NR2F1-AS1: variants seen among roughly 807,000 people sequenced by gnomAD.
NR2F1-AS1 encodes the protein NR2F1 antisense RNA 1.
At chr5:93,462,621 T>C (rs1440422030) in intron 4 of NR2F1-AS1, among the ~76,000 whole-genome samples, 2 of 152,140 alleles carry the variant, frequency 1.3e-5, no homozygotes, top group Non-Finnish European at 2.9e-5. Flanking sequence ...GTGGAAAAGT[T>C]TGAAACTTCC....
In NR2F1-AS1 at chr5:93,434,168, T is replaced by A. The variant is rs1295600206; in HGVS notation, n.639-38626A>T. Among the ~76,000 whole-genome samples, 3 of 152,160 alleles carry A rather than the reference T, an allele frequency of 2.0e-5. No individual in the cohort carries two copies. The East Asian group carries it at 5.8e-4, about 29-fold the overall frequency. ...TATAAAACTATTGGCTTTTGCCTTT[T>A]TTTCATTGCTAGAAGGGATGATCAG... is the stretch of plus-strand genomic sequence containing the variant. On this transcript the variant is annotated intron_variant and non_coding_transcript_variant, in intron 4 of 5. Transcript: ENST00000660523.
upstream of NR2F1-AS1, among the ~76,000 whole-genome samples, chr5:93,581,685 T>C (rs1338775336): frequency 2.1e-5 from 1 of 47,672 alleles, no homozygotes; most frequent in African/African-American, 1.3e-4. Context: ...TCTCTCTCTC[T>C]CTCTCTCTCT....
intron 4 of NR2F1-AS1, among the ~76,000 whole-genome samples, chr5:93,456,397 G>C (rs1749947146): frequency 6.6e-6 from 1 of 152,116 alleles, no homozygotes; most frequent in African/African-American, 2.4e-5. Context: ...CTATGTAAAA[G>C]ATCTGTACAA....
At chr5:93,433,899 T>G (rs1400185972) in intron 4 of NR2F1-AS1, among the ~76,000 whole-genome samples, 1 of 152,140 alleles carries the variant, frequency 6.6e-6, no homozygotes. Context: ...AAAGTAAAAT[T>G]TATTGCCTCT....
At chr5:93,572,891 C>T (rs1752807144) in intron 1 of NR2F1-AS1, among the ~76,000 whole-genome samples, 1 of 152,228 alleles carries the variant, frequency 6.6e-6, no homozygotes, top group Non-Finnish European at 1.5e-5. Flanking sequence ...CTGAGAGGCG[C>T]GGCCGGCGGG....
chr5:93,487,668 C>A (rs891247415), intron 4 of NR2F1-AS1, among the ~76,000 whole-genome samples: 4 of 152,126 alleles, frequency 2.6e-5, no homozygotes, highest in African/African-American at 4.8e-5. Context: ...GCCACAATGC[C>A]CAAAGTAATT....
intron 4 of NR2F1-AS1, among the ~76,000 whole-genome samples, chr5:93,460,319 G>C (rs1023119364): frequency 5.3e-5 from 8 of 152,178 alleles, no homozygotes; most frequent in African/African-American, 1.9e-4. Context: ...GAGTTTCCCA[G>C]ACCCCACGCA....
In NR2F1-AS1 at chr5:93,454,135, G is replaced by A. The variant is rs1016286248; in HGVS notation, n.639-58593C>T. On this transcript the variant is annotated intron_variant and non_coding_transcript_variant, in intron 4 of 5. Transcript: ENST00000660523. ...CTGAAAATCAGTATTTAAAAAATTA[G>A]CTAGGCATTGTGGCATGTGACTGTA... Among the ~76,000 whole-genome samples, 8 of 152,142 alleles carry A rather than the reference G, an allele frequency of 5.3e-5. No individual in the cohort carries two copies. In the East Asian group the frequency reaches 1.6e-3, roughly 30 times the overall value.
Position 93,466,075 on chromosome 5 carries a change from T to TA in NR2F1-AS1, n.639-70534dup, listed in dbSNP as rs76911177. On this transcript the variant is annotated intron_variant and non_coding_transcript_variant, in intron 4 of 5. Coordinates refer to ENST00000660523, the Ensembl canonical transcript of NR2F1-AS1. ...GTACCCTAGAACTTAAAAGTATAAT[T>TA]AAAAAAAAAAAGATTGTTACTAGCT... 3.9e-4 allele frequency among the ~76,000 whole-genome samples: 57 copies of TA among 144,908 alleles called. No individual in the cohort carries two copies. The Middle Eastern group carries it at 0.015, about 37-fold the overall frequency.
chr5:93,441,560 T>C (rs2149852148), intron 4 of NR2F1-AS1, among the ~76,000 whole-genome samples: 1 of 152,338 alleles, frequency 6.6e-6, no homozygotes, highest in African/African-American at 2.4e-5. Flanking sequence ...CTATCTGAAA[T>C]GAAATGATTT....
chr5:93,483,990 G>A (rs971605222), intron 4 of NR2F1-AS1, among the ~76,000 whole-genome samples: 1 of 152,210 alleles, frequency 6.6e-6, no homozygotes, highest in Non-Finnish European at 1.5e-5. Context: ...GTACCTGCAA[G>A]TGATGAGGAG....
rs766991501 is a variant in NR2F1-AS1, at chr5:93,579,825, C to T, written n.313+642G>A. ...CTGGCTCGGCTGCTAGGCTGCGAAT[C>T]CCGGTGCTCTCTCGCCGCCGCCGCA... is the stretch of plus-strand genomic sequence containing the variant. On this transcript the variant is annotated intron_variant and non_coding_transcript_variant, in intron 1 of 5. Transcript: ENST00000660523. The surrounding 1 kb of genome is among the most constrained non-coding windows in gnomAD (Gnocchi z 5.1). Among the ~76,000 whole-genome samples, 1 of 152,216 alleles carries T rather than the reference C, an allele frequency of 6.6e-6. No individual in the cohort carries two copies. The highest frequency in any genetic ancestry group is 2.4e-5 in the African/African-American group (1 of 41,472).
chr5:93,508,386 A>C (rs1431231971), intron 4 of NR2F1-AS1, among the ~76,000 whole-genome samples: 1 of 152,162 alleles, frequency 6.6e-6, no homozygotes, highest in Admixed American at 6.5e-5. Flanking sequence ...AGGAAACGAA[A>C]AGTTATTTTC....
intron 4 of NR2F1-AS1, among the ~76,000 whole-genome samples, chr5:93,490,794 AATGGTGGTATTT>A (rs1473763567): frequency 4.8e-5 from 6 of 125,806 alleles, no homozygotes; most frequent in Non-Finnish European, 1.0e-4. Flanking sequence ...TAGTCCTGGT[AATGGTGGTATTT>A]ATGGTGGTTG....
intron 2 of NR2F1-AS1, among the ~76,000 whole-genome samples, chr5:93,555,726 C>T (rs1752339180): frequency 6.6e-6 from 1 of 152,108 alleles, no homozygotes; most frequent in Non-Finnish European, 1.5e-5. Context: ...AGGTCTGTTA[C>T]CCACTAAGTC....
chr5:93,499,011 A>C (rs1318146609), intron 4 of NR2F1-AS1, among the ~76,000 whole-genome samples: 1 of 152,200 alleles, frequency 6.6e-6, no homozygotes, highest in Non-Finnish European at 1.5e-5. Context: ...AAGGAAAAGC[A>C]AGGCAGAGAG....
chr5:93,540,920 A>G (rs1198742952), intron 4 of NR2F1-AS1, among the ~76,000 whole-genome samples: 1 of 152,210 alleles, frequency 6.6e-6, no homozygotes, highest in Non-Finnish European at 1.5e-5. Flanking sequence ...GATGACACAC[A>G]TATTACTGGT....
intron 4 of NR2F1-AS1, among the ~76,000 whole-genome samples, chr5:93,427,900 G>A (rs1345114909): frequency 2.0e-5 from 3 of 147,816 alleles, no homozygotes; most frequent in Non-Finnish European, 4.4e-5. Flanking sequence ...GCATACATGT[G>A]TATGTGAAAG....
chr5:93,476,343 T>C (rs1561457816), intron 4 of NR2F1-AS1, among the ~76,000 whole-genome samples: 1 of 152,182 alleles, frequency 6.6e-6, no homozygotes, highest in Non-Finnish European at 1.5e-5. Context: ...TTTAATGTTA[T>C]CCATATGGGC....
Sources: gnomAD v4.1 joint callset for allele counts (sites outside exome capture counted in the v4.1 genomes callset) on GRCh38, gnomAD v4.1.1 for gene constraint, Gnocchi (gnomAD v3.1) non-coding constraint, MANE v1.5 for transcripts, NCBI Gene and HGNC (gene_info 2026-07-23, HGNC 2026-07-21) for gene names.